CYFIP1: variants seen among roughly 807,000 people sequenced by gnomAD.
The protein encoded by CYFIP1 is cytoplasmic FMR1-interacting protein 1.
In CYFIP1, 58 loss-of-function variants were observed where a neutral mutation model predicts 163.5. That is an observed-to-expected ratio of 0.35 (90% confidence interval 0.29 to 0.44). The LOEUF is 0.44. Ranked by LOEUF, CYFIP1 falls within the 20% of genes least tolerant of loss-of-function variation. The pLI, the probability that CYFIP1 is intolerant of heterozygous loss-of-function variation, is 1.00. For missense variants in CYFIP1, 1,338 were observed against 1,653.8 expected (o/e 0.81, Z 3.31); for synonymous variants, 663 against 660.7 (o/e 1.00, Z -0.05).
chr15:22,913,544 AAAAAAAAG>A (rs1239201142), intron 17 of CYFIP1, among the ~76,000 whole-genome samples: 28 of 147,666 alleles, frequency 1.9e-4, no homozygotes, highest in African/African-American at 7.0e-4. Flanking sequence ...AAAAAAAAAA[AAAAAAAAG>A]AAAGAAAGAA....
intron 21 of CYFIP1, among the ~76,000 whole-genome samples, chr15:22,906,977 C>T (rs1404690396): frequency 2.0e-5 from 3 of 152,138 alleles, no homozygotes; most frequent in Non-Finnish European, 4.4e-5. Flanking sequence ...CTCTCTCATG[C>T]TTCTGAAGAG....
At chr15:22,926,183 G>A in intron 12 of CYFIP1, 76 bp from the exon 13 acceptor site, 1 of 1,592,284 alleles carries the variant, frequency 6.3e-7, no homozygotes, top group African/African-American at 1.3e-5. Context: ...TCACACGATG[G>A]TGGCCAAAGC....
chr15:22,900,175 C>T (rs2060350075), intron 22 of CYFIP1, among the ~76,000 whole-genome samples: 1 of 152,112 alleles, frequency 6.6e-6, no homozygotes, highest in Non-Finnish European at 1.5e-5. Context: ...CCCAATATGA[C>T]TGAAGTCCTT....
At chr15:22,887,371 C>T (rs1450328818) in intron 23 of CYFIP1, among the ~76,000 whole-genome samples, 2 of 152,218 alleles carry the variant, frequency 1.3e-5, no homozygotes, top group Non-Finnish European at 2.9e-5. Flanking sequence ...TACACATCTT[C>T]GCCCACACCC....
rs138724612 is a variant in CYFIP1 at position 22,940,342 on chromosome 15, G to A, written c.570-835C>T. Among the ~76,000 whole-genome samples the A allele has an allele frequency of 2.4e-3, 368 of 152,278 alleles. 1 individual carries two copies. The highest frequency in any genetic ancestry group is 8.6e-3 in the African/African-American group (356 of 41,562). On this transcript the variant is annotated intron_variant, in intron 6 of 30. Transcript: ENST00000617928. ...CATTCCAGGGAGCCCCACACATTCC[G>A]TGTGCCTCGCCCACCCTGCAGCTAG...
intron 1 of CYFIP1, among the ~76,000 whole-genome samples, chr15:22,963,832 TGA>T (rs781762920): frequency 4.6e-5 from 7 of 152,104 alleles, no homozygotes; most frequent in Non-Finnish European, 8.8e-5. Context: ...CCCCCAGTTG[TGA>T]GAGATGCCTG....
Position 22,932,205 on chromosome 15 carries a change from C to T in CYFIP1, c.1110+18G>A. Reference sequence around the variant, plus strand: ...GCGACCCTCGGGTGCCTGTGCAGCTCCAGGTCGCGGGGCGCACCTCGCTGT... The same window carrying T: ...GCGACCCTCGGGTGCCTGTGCAGCTTCAGGTCGCGGGGCGCACCTCGCTGT... On this transcript the variant is annotated intron_variant, in intron 11 of 30. Coordinates refer to ENST00000617928, the MANE Select transcript of CYFIP1 (RefSeq NM_014608.6). 1 of 1,593,638 alleles carries T rather than the reference C, an allele frequency of 6.3e-7. No homozygotes were observed. The highest frequency in any genetic ancestry group is 1.3e-5 in the African/African-American group (1 of 74,346).
intron 6 of CYFIP1, among the ~76,000 whole-genome samples, chr15:22,942,459 G>A (rs575785652): frequency 2.6e-5 from 4 of 152,074 alleles, no homozygotes; most frequent in South Asian, 2.1e-4. Context: ...AACGCCGGTC[G>A]GCAGCGTGCC....
chr15:22,960,420 A>G (rs1018519695), intron 1 of CYFIP1, among the ~76,000 whole-genome samples: 1 of 152,204 alleles, frequency 6.6e-6, no homozygotes, highest in Non-Finnish European at 1.5e-5. Flanking sequence ...CAGAGACAGG[A>G]GCTCCATAAG....
intron 17 of CYFIP1, among the ~76,000 whole-genome samples, chr15:22,914,410 GGAAACAT>G (rs1245685472): frequency 6.6e-6 from 1 of 151,660 alleles, no homozygotes; most frequent in East Asian, 1.9e-4. Context: ...CTTTACCCCA[GGAAACAT>G]GATTTCTCTT....
At position 22,926,035 on chromosome 15, in the gene CYFIP1, C is replaced by T. The variant is rs760689297; in HGVS notation, c.1306G>A (p.Glu436Lys). 3.1e-6 allele frequency: 5 copies of T among 1,614,130 alleles called. No individual in the cohort carries two copies. Among genetic ancestry groups the T allele is most frequent in the Non-Finnish European group, 4.2e-6 (5 of 1,180,014 alleles). ...GTGTAGTTGTAGCGCGTGGCACGCT[C>T]GTACTCTTCAGCGCTGTCGGGGCAG... ...KDCPDSAEEY[E>K]RATRYNYTSE... Residue 436 changes from glutamate to lysine, a missense_variant, in exon 13 of 31, where the codon GAG (glutamate) becomes AAG (lysine). By Grantham distance (56) the Glu-to-Lys change is moderately conservative. Coordinates refer to ENST00000617928, the MANE Select transcript of CYFIP1 (RefSeq NM_014608.6).
intron 22 of CYFIP1, among the ~76,000 whole-genome samples, chr15:22,903,247 C>A (rs895249712): frequency 1.3e-5 from 2 of 152,160 alleles, no homozygotes; most frequent in Non-Finnish European, 2.9e-5. Flanking sequence ...GACCGCCACC[C>A]GGTGTGCGGA....
At chr15:22,971,808 T>G (rs1453885553) in intron 1 of CYFIP1, among the ~76,000 whole-genome samples, 2 of 152,102 alleles carry the variant, frequency 1.3e-5, no homozygotes, top group African/African-American at 2.4e-5. Flanking sequence ...ATATCAAAGC[T>G]GCAGTGAGCC....
rs773204159 is a variant in CYFIP1, at chr15:22,881,931, T to A, written c.2826A>T (p.Gln942His). 1.4e-5 allele frequency: 23 copies of A among 1,611,870 alleles called. No individual in the cohort carries two copies. The highest frequency in any genetic ancestry group is 1.9e-5 in the Non-Finnish European group (22 of 1,179,920). The change falls in exon 25 of 31, where the codon CAA (glutamine) becomes CAT (histidine). Residue 942 changes from glutamine to histidine, a missense_variant. This residue lies in a region of CYFIP1 where 824 missense variants were observed against 995.7 expected (regional missense o/e 0.83). Transcript: ENST00000617928. ...ELLKVVKSLL[Q>H]GTILQYVKTL... ...TCTTCACGTACTGCAGGATTGTGCC[T>A]TGCAGCTGCCGGGGAGATGAGACGG...
chr15:22,959,748 C>G (rs1009469264), intron 1 of CYFIP1, among the ~76,000 whole-genome samples: 2 of 152,182 alleles, frequency 1.3e-5, no homozygotes, highest in African/African-American at 4.8e-5. Context: ...CGGCGCCCGG[C>G]TGAGGAACAG....
At chr15:22,920,159 CTTTTTTTT>C (rs71117470) in intron 13 of CYFIP1, among the ~76,000 whole-genome samples, 1 of 75,520 alleles carries the variant, frequency 1.3e-5, no homozygotes, top group South Asian at 7.0e-4. Flanking sequence ...ATTAAGGCAG[CTTTTTTTT>C]TTTTTTTTTT....
intron 13 of CYFIP1, among the ~76,000 whole-genome samples, chr15:22,925,044 C>T (rs6606810): frequency 0.76 from 115,614 of 152,058 alleles, 44,270 homozygotes; most frequent in African/African-American, 0.84. Context: ...TATTACTTTT[C>T]ACTGTTGTAG....
At chr15:22,891,126 C>T (rs2060070160) in intron 23 of CYFIP1, among the ~76,000 whole-genome samples, 2 of 151,950 alleles carry the variant, frequency 1.3e-5, no homozygotes, top group Admixed American at 6.6e-5. Flanking sequence ...AAAAATAACC[C>T]CTAAAACACT....
At chr15:22,877,836 G>A (rs1458531301) in intron 26 of CYFIP1, among the ~76,000 whole-genome samples, 2 of 152,242 alleles carry the variant, frequency 1.3e-5, no homozygotes, top group East Asian at 1.9e-4. Context: ...AGAGGGAGCC[G>A]AAGATGCAGG....
Sources: allele counts gnomAD v4.1 joint callset (sites outside exome capture counted in the v4.1 genomes callset), GRCh38; gene constraint gnomAD v4.1.1; regional missense constraint gnomAD v4.1.1; transcripts MANE v1.5; gene names NCBI Gene and HGNC (gene_info 2026-07-23, HGNC 2026-07-21).